ZSWIM9: variants seen among roughly 807,000 people sequenced by gnomAD.
ZSWIM9 encodes zinc finger SWIM-type containing 9.
A neutral mutation model predicts 25.0 loss-of-function variants in ZSWIM9; 11 were observed. The observed-to-expected ratio is 0.44, with a 90% confidence interval of 0.28 to 0.73. ZSWIM9 has a LOEUF of 0.73. Among genes scored for constraint, ZSWIM9 ranks in the 30% least tolerant of loss-of-function variants. The probability of loss-of-function intolerance (pLI) is 0.16; values close to 1 mark genes in which losing one functional copy is unlikely to be tolerated. For synonymous variants in ZSWIM9, 562 were observed against 582.1 expected (o/e 0.97, Z 0.50); for missense variants, 1,070 against 1,296.5 (o/e 0.83, Z 2.68).
chr19:48,195,324 G>A lies in ZSWIM9; in HGVS notation c.1260G>A (p.Ser420=), dbSNP rs2037145899. 1.3e-6 allele frequency: 2 copies of A among 1,530,112 alleles called. No homozygotes were observed. Among genetic ancestry groups the A allele is most frequent in the South Asian group, 1.2e-5 (1 of 83,716 alleles). 94.8% of individuals were successfully genotyped at this position (1,530,112 alleles called of 1,614,324 possible). Reference sequence around the variant, plus strand: ...GACTGCTGCGTCGTCTCAGCCCCTCGCGTGGCGTGGCGCAGTGCCTTCGCG... The same window carrying A: ...GACTGCTGCGTCGTCTCAGCCCCTCACGTGGCGTGGCGCAGTGCCTTCGCG... ...RRRLLRRLSP[S]RGVAQCLRDL... is the part of the protein sequence containing the mutation. The change falls in exon 4 of 4, where the codon TCG becomes TCA. Residue 420 remains serine, a synonymous_variant. Transcript: ENST00000614654. This position sits in a 1 kb window ranked among gnomAD's most constrained non-coding sequence, Gnocchi z 5.8.
At chr19:48,187,659 T>C (rs1184920209) in intron 3 of ZSWIM9, 1 of 128,914 alleles carries the variant, frequency 7.8e-6, no homozygotes, top group African/African-American at 3.0e-5. Flanking sequence ...GATAATATAA[T>C]AGGTGCGATG....
chr19:48,194,556 C>T lies in ZSWIM9; in HGVS notation c.589-97C>T, dbSNP rs1300281222. 20 of 1,249,260 alleles carry T rather than the reference C, an allele frequency of 1.6e-5. No individual in the cohort carries two copies. The highest frequency in any genetic ancestry group is 3.5e-5 in the Admixed American group (1 of 28,650). 77.4% of individuals were successfully genotyped at this position (1,249,260 alleles called of 1,614,324 possible). On this transcript the variant is annotated intron_variant, in intron 3 of 3. Transcript: ENST00000614654. The surrounding 1 kb of genome is among the most constrained non-coding windows in gnomAD (Gnocchi z 6.0). ...TGCAGGCAAGAATGAATGGGTGGTC[C>T]CATTTCCGTAGAAGGGGAAACCGAG... is the stretch of plus-strand genomic sequence containing the variant.
At chr19:48,187,442 ATT>A (rs2037029731) in intron 3 of ZSWIM9, among the ~76,000 whole-genome samples, 1 of 102,680 alleles carries the variant, frequency 9.7e-6, no homozygotes, top group African/African-American at 3.9e-5. Flanking sequence ...TATTATATAT[ATT>A]ATATATTATA....
intron 2 of ZSWIM9, among the ~76,000 whole-genome samples, chr19:48,177,396 T>G (rs1157077193): frequency 6.6e-6 from 1 of 152,186 alleles, no homozygotes; most frequent in African/African-American, 2.4e-5. Flanking sequence ...ATCACACACT[T>G]ACTGAATACC....
rs1188785335 is a variant in ZSWIM9 at position 48,195,712 on chromosome 19, C to T, written c.1648C>T (p.His550Tyr). The T allele has an allele frequency of 1.0e-5, 15 of 1,466,598 alleles. No homozygotes were observed. Among genetic ancestry groups the T allele is most frequent in the Non-Finnish European group, 1.3e-5 (15 of 1,116,454 alleles). 90.8% of individuals were successfully genotyped at this position (1,466,598 alleles called of 1,614,324 possible). ...VLRGSKLEKG[H>Y]LRGPEIRDWR... ...GAGAGGGTCGAAGTTAGAGAAAGGGCACCTGAGAGGGCCAGAGATTAGAGA... is the reference window on the plus strand; with the variant it reads ...GAGAGGGTCGAAGTTAGAGAAAGGGTACCTGAGAGGGCCAGAGATTAGAGA... The change falls in exon 4 of 4, where the codon CAC becomes TAC. Residue 550 changes from histidine (H) to tyrosine (Y), a missense_variant. Physicochemically the swap from His to Tyr is moderately conservative, Grantham distance 83. Coordinates refer to ENST00000614654, the MANE Select transcript of ZSWIM9 (RefSeq NM_199341.4). The surrounding 1 kb of genome is among the most constrained non-coding windows in gnomAD (Gnocchi z 5.8).
In ZSWIM9 at chr19:48,197,377, G is replaced by A; in HGVS notation, c.*550G>A. 1.5e-6 allele frequency: 1 copy of A among 677,048 alleles called. No homozygotes were observed. The highest frequency in any genetic ancestry group is 2.7e-6 in the Non-Finnish European group (1 of 372,912). 41.9% of individuals were successfully genotyped at this position (677,048 alleles called of 1,614,324 possible). A position where few individuals can be genotyped will look rare whatever the true frequency, so the allele number is the denominator to read the frequency against. ...AGCTGGGGGAAGCAGGAGAGGAAGGGACGGGATGTAGGAGGGGGAAGAAAA... is the reference window on the plus strand; with the variant it reads ...AGCTGGGGGAAGCAGGAGAGGAAGGAACGGGATGTAGGAGGGGGAAGAAAA... On this transcript the variant is annotated 3_prime_UTR_variant, in exon 4 of 4. Coordinates refer to ENST00000614654, the MANE Select transcript of ZSWIM9 (RefSeq NM_199341.4).
Position 48,194,564 on chromosome 19 carries a change from G to A in ZSWIM9, c.589-89G>A. The A allele has an allele frequency of 7.7e-7, 1 of 1,299,138 alleles. No homozygotes were observed. The highest frequency in any genetic ancestry group is 1.0e-6 in the Non-Finnish European group (1 of 1,004,074). The allele number at this position is 1,299,138 out of a possible 1,614,324, so 80.5% of individuals were successfully genotyped here. A position where few individuals can be genotyped will look rare whatever the true frequency, so the allele number is the denominator to read the frequency against. ...AGAATGAATGGGTGGTCCCATTTCC[G>A]TAGAAGGGGAAACCGAGGTCGGGGA... On this transcript the variant is annotated intron_variant, in intron 3 of 3. Transcript: ENST00000614654. This position sits in a 1 kb window ranked among gnomAD's most constrained non-coding sequence, Gnocchi z 6.0.
At chr19:48,177,299 T>C (rs1025662059) in intron 2 of ZSWIM9, among the ~76,000 whole-genome samples, 1 of 152,082 alleles carries the variant, frequency 6.6e-6, no homozygotes, top group African/African-American at 2.4e-5. Context: ...GACGTGGTGA[T>C]GGATGGTTTT....
In ZSWIM9 at chr19:48,182,791, C is replaced by G. The variant is rs556541283; in HGVS notation, c.588+24C>G. 4.0e-6 allele frequency: 6 copies of G among 1,500,966 alleles called. No homozygotes were observed. The highest frequency in any genetic ancestry group is 5.3e-6 in the Non-Finnish European group (6 of 1,123,310). 93.0% of individuals were successfully genotyped at this position (1,500,966 alleles called of 1,614,324 possible). On this transcript the variant is annotated intron_variant, in intron 3 of 3. Transcript: ENST00000614654. The surrounding 1 kb of genome is among the most constrained non-coding windows in gnomAD (Gnocchi z 4.6). ...AGGTGGGGTCTCGAGAGAGGCAGGC[C>G]GGGGGAGGGGGCGGGGGAAAGCCGC...
At position 48,195,710 on chromosome 19, in the gene ZSWIM9, G is replaced by A. The variant is rs1465668932; in HGVS notation, c.1646G>A (p.Gly549Glu). 6.8e-7 allele frequency: 1 copy of A among 1,468,070 alleles called. No homozygotes were observed. The allele number at this position is 1,468,070 out of a possible 1,614,324, so 90.9% of individuals were successfully genotyped here. A position where few individuals can be genotyped will look rare whatever the true frequency, so the allele number is the denominator to read the frequency against. ...TTGAGAGGGTCGAAGTTAGAGAAAGGGCACCTGAGAGGGCCAGAGATTAGA... is the reference window on the plus strand; with the variant it reads ...TTGAGAGGGTCGAAGTTAGAGAAAGAGCACCTGAGAGGGCCAGAGATTAGA... ...GVLRGSKLEK[G>E]HLRGPEIRDW... is the part of the protein sequence containing the mutation. The change falls in exon 4 of 4, where the codon GGG (glycine) becomes GAG (glutamate). Residue 549 changes from glycine (G) to glutamate (E), a missense_variant. By Grantham distance (98) the Gly-to-Glu change is moderately conservative. Transcript: ENST00000614654. The surrounding 1 kb of genome is among the most constrained non-coding windows in gnomAD (Gnocchi z 5.8).
intron 2 of ZSWIM9, among the ~76,000 whole-genome samples, chr19:48,176,143 T>C (rs565469265): frequency 6.6e-6 from 1 of 152,218 alleles, no homozygotes; most frequent in Admixed American, 6.5e-5. Flanking sequence ...GAGGCGAAGG[T>C]TGCAGTGAGC....
intron 3 of ZSWIM9, among the ~76,000 whole-genome samples, chr19:48,183,949 T>TA (rs1185923973): frequency 7.5e-6 from 1 of 133,748 alleles, no homozygotes; most frequent in Non-Finnish European, 1.7e-5. Context: ...CAGGCCTACT[T>TA]AAATTTTTTT....
At position 48,182,586 on chromosome 19, in the gene ZSWIM9, G is replaced by A. The variant is rs1402568140; in HGVS notation, c.407G>A (p.Arg136His). 1.2e-5 allele frequency: 19 copies of A among 1,535,730 alleles called. No homozygotes were observed. Among genetic ancestry groups the A allele is most frequent in the Non-Finnish European group, 1.5e-5 (17 of 1,146,746 alleles). The part of the protein sequence containing the change: ...ACPLEFAYYF[R>H]PGHLLANACL... ...CCGCTGGAGTTCGCCTACTACTTCC[G>A]CCCGGGCCACCTGCTGGCCAACGCC... is the stretch of plus-strand genomic sequence containing the variant. The change falls in exon 3 of 4, where the codon CGC (arginine) becomes CAC (histidine). Residue 136 changes from arginine to histidine, a missense_variant. Arg to His is a conservative substitution (Grantham distance 29). This residue lies in a region of ZSWIM9 where 265 missense variants were observed against 339.0 expected (regional missense o/e 0.78). Coordinates refer to ENST00000614654, the MANE Select transcript of ZSWIM9 (RefSeq NM_199341.4). The surrounding 1 kb of genome is among the most constrained non-coding windows in gnomAD (Gnocchi z 4.6).
At chr19:48,172,136 G>T in intron 2 of ZSWIM9, 59 bp downstream of exon 2, 2 of 1,353,994 alleles carry the variant, frequency 1.5e-6, no homozygotes, top group South Asian at 2.8e-5. Flanking sequence ...GGGTGGGTGT[G>T]GGTGGGAGAC....
chr19:48,187,553 T>TA (rs2037040195), intron 3 of ZSWIM9: 1 of 28,594 alleles, frequency 3.5e-5, no homozygotes, highest in East Asian at 1.3e-3. Flanking sequence ...TTATATTATA[T>TA]ATATTATATA....
intron 3 of ZSWIM9, among the ~76,000 whole-genome samples, chr19:48,186,171 G>A (rs985672705): frequency 2.0e-5 from 3 of 152,158 alleles, no homozygotes; most frequent in African/African-American, 7.2e-5. Flanking sequence ...GCGCAGCTCT[G>A]CACATATACA....
intron 2 of ZSWIM9, among the ~76,000 whole-genome samples, chr19:48,178,048 C>G (rs894866329): frequency 1.3e-5 from 2 of 152,162 alleles, no homozygotes; most frequent in African/African-American, 4.8e-5. Flanking sequence ...CAGGTGCCCG[C>G]CACCACGCTC....
chr19:48,172,469 G>A (rs945926398), intron 2 of ZSWIM9, among the ~76,000 whole-genome samples: 1 of 151,942 alleles, frequency 6.6e-6, no homozygotes, highest in African/African-American at 2.4e-5. Flanking sequence ...CATCATGCCC[G>A]GCTAATTTTT....
intron 3 of ZSWIM9, chr19:48,187,649 G>A (rs10416739): frequency 0.86 from 99,490 of 116,124 alleles, 42,942 homozygotes; most frequent in East Asian, 0.92. Context: ...ATGTAATATT[G>A]ATAATATAAT....
Sources: gnomAD v4.1 joint callset for allele counts (sites outside exome capture counted in the v4.1 genomes callset) on GRCh38, gnomAD v4.1.1 for gene constraint, gnomAD v4.1.1 regional missense constraint, Gnocchi (gnomAD v3.1) non-coding constraint, MANE v1.5 for transcripts, NCBI Gene and HGNC (gene_info 2026-07-23, HGNC 2026-07-21) for gene names.